Variants in MAP2K4 observed in about 807,000 individuals in gnomAD.
MAP2K4 encodes the protein mitogen-activated protein kinase kinase 4.
In MAP2K4, 4 loss-of-function variants were observed where a neutral mutation model predicts 48.5. The observed-to-expected ratio is 0.08, with a 90% CI of 0.04 to 0.19. MAP2K4 has a LOEUF of 0.19. MAP2K4 is among the 10% of genes least tolerant of loss of function. The pLI is 1.00. For missense variants in MAP2K4, 258 were observed against 493.3 expected (o/e 0.52, Z 4.52); for synonymous variants, 166 against 173.1 (o/e 0.96, Z 0.32).
chr17:12,103,636 C>G (rs942111870), intron 4 of MAP2K4, among the ~76,000 whole-genome samples: 21 of 152,104 alleles, frequency 1.4e-4, no homozygotes, highest in African/African-American at 4.8e-4. Flanking sequence ...CTTTCCAGAT[C>G]TCATCACTAC....
chr17:12,048,603 A>G (rs970029743), intron 1 of MAP2K4, among the ~76,000 whole-genome samples: 1 of 152,106 alleles, frequency 6.6e-6, no homozygotes, highest in African/African-American at 2.4e-5. Context: ...ACATGGATAT[A>G]TGGAATACCT....
intron 2 of MAP2K4, among the ~76,000 whole-genome samples, chr17:12,068,953 G>A (rs930122068): frequency 1.3e-5 from 2 of 152,136 alleles, no homozygotes; most frequent in Non-Finnish European, 2.9e-5. Context: ...GTATTTTGAT[G>A]AGAAAATTGT....
intron 1 of MAP2K4, among the ~76,000 whole-genome samples, chr17:12,028,430 GAAAT>G: frequency 1.3e-5 from 2 of 152,276 alleles, no homozygotes; most frequent in South Asian, 4.1e-4. Context: ...AAACCATCAG[GAAAT>G]AAATCTTGGG....
At chr17:12,051,870 G>T (rs1248693097) in intron 1 of MAP2K4, among the ~76,000 whole-genome samples, 1 of 151,824 alleles carries the variant, frequency 6.6e-6, no homozygotes, top group African/African-American at 2.4e-5. Context: ...CCCAGCCCCA[G>T]TAGAGGCTCT....
At chr17:12,083,436 A>G (rs1971256540) in intron 3 of MAP2K4, among the ~76,000 whole-genome samples, 2 of 152,236 alleles carry the variant, frequency 1.3e-5, no homozygotes, top group Admixed American at 6.5e-5. Context: ...AGAACTTTCA[A>G]GGCAGTCATG....
intron 1 of MAP2K4, among the ~76,000 whole-genome samples, chr17:12,051,717 A>C (rs1207205052): frequency 2.0e-5 from 3 of 152,128 alleles, no homozygotes; most frequent in African/African-American, 7.2e-5. Flanking sequence ...AAGTTGTTTC[A>C]AGTTTTTGAA....
chr17:12,118,239 T>C (rs1045125577), intron 7 of MAP2K4, among the ~76,000 whole-genome samples: 5 of 152,158 alleles, frequency 3.3e-5, no homozygotes, highest in African/African-American at 1.2e-4. Context: ...ATCACTGTTT[T>C]GGCATGATTA....
intron 2 of MAP2K4, among the ~76,000 whole-genome samples, chr17:12,079,132 G>T (rs551363091): frequency 5.0e-4 from 73 of 146,560 alleles, no homozygotes; most frequent in African/African-American, 1.5e-3. Flanking sequence ...TAGTTCATTT[G>T]CTTTTAGTAT....
chr17:12,110,476 A>G (rs749156697), intron 6 of MAP2K4, 50 bp downstream of exon 6: 1 of 1,265,922 alleles, frequency 7.9e-7, no homozygotes, highest in South Asian at 1.3e-5. Context: ...TTTTTCTCCT[A>G]ATTGGTGAAA....
chr17:12,073,920 C>T (rs1428862007), intron 2 of MAP2K4, among the ~76,000 whole-genome samples: 1 of 151,848 alleles, frequency 6.6e-6, no homozygotes, highest in East Asian at 1.9e-4. Context: ...ATTACAGGTG[C>T]CCACCACCAC....
intron 1 of MAP2K4, among the ~76,000 whole-genome samples, chr17:12,023,482 C>T (rs1969158740): frequency 6.6e-6 from 1 of 152,118 alleles, no homozygotes; most frequent in African/African-American, 2.4e-5. Context: ...TTCCTTCTCC[C>T]CCAATCTAAT....
At position 12,064,277 on chromosome 17, in the gene MAP2K4, A is replaced by G. The variant is rs1320930150; in HGVS notation, c.218+9286A>G. 2.0e-5 allele frequency among the ~76,000 whole-genome samples: 3 copies of G among 152,212 alleles called. No homozygotes were observed. The East Asian group carries it at 5.8e-4, about 29-fold the overall frequency. ...TAAAAAAATTTTTTGTAGAGGTGGG[A>G]TCTTGCTATGTTGCACAGGCTGGTT... On this transcript the variant is annotated intron_variant, in intron 2 of 10. Coordinates refer to ENST00000353533, the MANE Select transcript of MAP2K4 (RefSeq NM_003010.4).
chr17:12,121,756 A>G (rs962405663), intron 7 of MAP2K4, among the ~76,000 whole-genome samples: 1 of 152,148 alleles, frequency 6.6e-6, no homozygotes, highest in Admixed American at 6.5e-5. Context: ...GACTACAACT[A>G]TTTTTAGACA....
intron 9 of MAP2K4, among the ~76,000 whole-genome samples, chr17:12,131,143 A>G (rs35393399): frequency 0.012 from 1,879 of 152,180 alleles, 21 homozygotes; most frequent in Middle Eastern, 0.038. Context: ...ATACTATTCT[A>G]TAGAGACTTC....
At chr17:12,114,816 T>C (rs1224096212) in intron 7 of MAP2K4, among the ~76,000 whole-genome samples, 1 of 152,218 alleles carries the variant, frequency 6.6e-6, no homozygotes, top group Non-Finnish European at 1.5e-5. Context: ...CAGACTTTCT[T>C]TAAAACAGAC....
intron 3 of MAP2K4, among the ~76,000 whole-genome samples, chr17:12,093,384 G>C (rs182923398): frequency 3.5e-4 from 54 of 152,296 alleles, no homozygotes; most frequent in African/African-American, 1.3e-3. Flanking sequence ...ACTTCAGTTA[G>C]GCCTTTAGAT....
At chr17:12,038,593 T>C (rs1284050149) in intron 1 of MAP2K4, among the ~76,000 whole-genome samples, 1 of 152,188 alleles carries the variant, frequency 6.6e-6, no homozygotes, top group African/African-American at 2.4e-5. Context: ...TAGAGCCTAC[T>C]CTGAAGAAGT....
chr17:12,106,719 A>G (rs1165792473), intron 4 of MAP2K4, among the ~76,000 whole-genome samples: 2 of 151,948 alleles, frequency 1.3e-5, no homozygotes, highest in Non-Finnish European at 2.9e-5. Context: ...TTTTGATAGT[A>G]TTTTCATTTT....
intron 2 of MAP2K4, among the ~76,000 whole-genome samples, chr17:12,066,983 G>A (rs1970638741): frequency 6.6e-6 from 1 of 151,676 alleles, no homozygotes; most frequent in African/African-American, 2.4e-5. Context: ...GGCCCACATG[G>A]CTAATTTTTG....
Sources: gnomAD v4.1 joint callset for allele counts (sites outside exome capture counted in the v4.1 genomes callset) on GRCh38, gnomAD v4.1.1 for gene constraint, MANE v1.5 for transcripts, NCBI Gene and HGNC (gene_info 2026-07-23, HGNC 2026-07-21) for gene names.